The following UNC79 variants were observed in gnomAD, a reference collection of about 807,000 sequenced individuals.
UNC79 encodes protein unc-79 homolog.
Under a neutral mutation model 283.1 loss-of-function variants are expected in UNC79, and 37 were observed. That is an observed-to-expected ratio of 0.13 (90% confidence interval 0.10 to 0.17). The LOEUF is 0.17. Among genes scored for constraint, UNC79 ranks in the 10% least tolerant of loss-of-function variants. UNC79 has a pLI of 1.00. For missense variants in UNC79, 2,272 were observed against 3,211.1 expected, an observed-to-expected ratio of 0.71 and a Z score of 7.07; for synonymous variants, 1,107 against 1,200.2, an observed-to-expected ratio of 0.92 and a Z score of 1.61.
At chr14:93,574,715 G>A (rs1438893723) in intron 16 of UNC79, among the ~76,000 whole-genome samples, 4 of 152,096 alleles carry the variant, frequency 2.6e-5, no homozygotes, top group Admixed American at 2.6e-4. Flanking sequence ...ATCAGAGTGG[G>A]GATGGACTGG....
chr14:93,397,694 A>G (rs931747594), intron 1 of UNC79, among the ~76,000 whole-genome samples: 1 of 152,070 alleles, frequency 6.6e-6, no homozygotes, highest in African/African-American at 2.4e-5. Flanking sequence ...AAGGAAAAAC[A>G]GATCCTTGAT....
rs570308726 is a variant in UNC79, at chr14:93,417,495, G to A, written c.-350-50176G>A. Among the ~76,000 whole-genome samples the A allele has an allele frequency of 2.8e-3, 420 of 152,168 alleles. 2 individuals carry two copies. The highest frequency in any genetic ancestry group is 0.024 in the Middle Eastern group (7 of 294). On this transcript the variant is annotated intron_variant, in intron 1 of 49. Coordinates refer to the UNC79 transcript ENST00000256339. ...CAACTTTGGTAAATCTGACAATTAT[G>A]TGTCTTGGAGTTGCTCTTCTCGAGG...
chr14:93,481,729 T>A (rs991522623), intron 4 of UNC79, among the ~76,000 whole-genome samples: 4 of 152,162 alleles, frequency 2.6e-5, no homozygotes, highest in African/African-American at 9.7e-5. Context: ...TCTATAACCT[T>A]CCAAAGACTA....
At chr14:93,551,084 C>T (rs925519989) in intron 14 of UNC79, among the ~76,000 whole-genome samples, 1 of 152,120 alleles carries the variant, frequency 6.6e-6, no homozygotes, top group Non-Finnish European at 1.5e-5. Context: ...GAGTCTCGCT[C>T]TGTAGCCCAG....
intron 1 of UNC79, among the ~76,000 whole-genome samples, chr14:93,351,345 T>C (rs1345698119): frequency 6.6e-6 from 1 of 152,218 alleles, no homozygotes; most frequent in East Asian, 1.9e-4. Flanking sequence ...TTTGGTTAAA[T>C]GAACACATTT....
At chr14:93,569,242 C>T (rs1230605982) in intron 14 of UNC79, among the ~76,000 whole-genome samples, 1 of 152,130 alleles carries the variant, frequency 6.6e-6, no homozygotes. Flanking sequence ...TGGAGACCAT[C>T]CTGGCCAACA....
chr14:93,512,381 A>G (rs1224821096), intron 7 of UNC79, among the ~76,000 whole-genome samples: 2 of 143,728 alleles, frequency 1.4e-5, no homozygotes, highest in African/African-American at 5.1e-5. Flanking sequence ...TTTTGTACTT[A>G]TTTTGCTTGG....
At chr14:93,351,232 C>A (rs1248191496) in intron 1 of UNC79, among the ~76,000 whole-genome samples, 1 of 152,010 alleles carries the variant, frequency 6.6e-6, no homozygotes, top group Non-Finnish European at 1.5e-5. Context: ...ATATTATATT[C>A]GTAGGTTTTT....
chr14:93,431,147 T>G, intron 1 of UNC79, 96 bp downstream of exon 1: 1 of 116,866 alleles, frequency 8.6e-6, no homozygotes. Flanking sequence ...GGCATTGTGC[T>G]GGTGCGGGGG....
At position 93,418,637 on chromosome 14, in the gene UNC79, G is replaced by A. The variant is rs868393003; in HGVS notation, c.-350-49034G>A. On this transcript the variant is annotated intron_variant, in intron 1 of 49. Transcript: ENST00000256339. ...CCTGCCCCCAGAGGTGGAGCCTACA[G>A]AGGAAGGCAGGCCTCCTTGAGCTGT... 1.4e-3 allele frequency among the ~76,000 whole-genome samples: 214 copies of A among 151,984 alleles called. 3 individuals are homozygous for A. In the Middle Eastern group the frequency reaches 0.017, roughly 12 times the overall value.
rs553896323 is a variant in UNC79, at chr14:93,371,623, G to A, written c.-351+38100G>A. ...TGGGAGGCCGAGGCGGGTGGATCAC[G>A]AGGTCAGGAGATCGAGACCATCCTG... On this transcript the variant is annotated intron_variant, in intron 1 of 49. Transcript: ENST00000256339. Among the ~76,000 whole-genome samples, 260 of 151,790 alleles carry A rather than the reference G, an allele frequency of 1.7e-3. 2 individuals carry two copies. The highest frequency in any genetic ancestry group is 5.9e-3 in the African/African-American group (246 of 41,382).
chr14:93,346,339 C>T (rs565373598), intron 1 of UNC79, among the ~76,000 whole-genome samples: 1 of 152,256 alleles, frequency 6.6e-6, no homozygotes, highest in African/African-American at 2.4e-5. Context: ...TTAAAAATCA[C>T]AGTATATTTA....
chr14:93,672,374 A>G lies in UNC79; in HGVS notation c.6637-977A>G, dbSNP rs186611942. 5.3e-4 allele frequency among the ~76,000 whole-genome samples: 81 copies of G among 152,324 alleles called. 1 individual carries two copies. Among genetic ancestry groups the G allele is most frequent in the Middle Eastern group, 6.8e-3 (2 of 294 alleles). The stretch of plus-strand genomic sequence containing the variant: ...CCATAAAAAATAGCAACAGGGATGG[A>G]ATTGGAGTTTGTTATGTTAAGTGAA... On this transcript the variant is annotated intron_variant, in intron 40 of 48. Coordinates refer to ENST00000555664, the Ensembl canonical transcript of UNC79.
At chr14:93,457,052 A>G (rs1197393157) in intron 1 of UNC79, among the ~76,000 whole-genome samples, 2 of 152,146 alleles carry the variant, frequency 1.3e-5, no homozygotes, top group South Asian at 4.1e-4. Context: ...TAGGAAGAGG[A>G]GGTAGTGGAA....
intron 40 of UNC79, among the ~76,000 whole-genome samples, chr14:93,669,352 T>C (rs1399086495): frequency 6.6e-6 from 1 of 152,182 alleles, no homozygotes; most frequent in Non-Finnish European, 1.5e-5. Context: ...TCAGAGGTGT[T>C]AGCCCAGCAC....
At chr14:93,704,273 A>C (rs558690561) in intron 47 of UNC79, among the ~76,000 whole-genome samples, 1 of 152,366 alleles carries the variant, frequency 6.6e-6, no homozygotes, top group East Asian at 1.9e-4. Flanking sequence ...TCAGACACTC[A>C]GTTCTAAAGA....
At chr14:93,597,092 A>AAAGACCATGAAAAAATTGTT in intron 23 of UNC79, among the ~76,000 whole-genome samples, 1 of 152,234 alleles carries the variant, frequency 6.6e-6, no homozygotes, top group African/African-American at 2.4e-5. Context: ...AAAAAATTGT[A>AAAGACCATGAAAAAATTGTT]AAAGACAACC....
intron 1 of UNC79, among the ~76,000 whole-genome samples, chr14:93,347,729 C>T (rs2475037): frequency 1.3e-5 from 2 of 152,072 alleles, no homozygotes; most frequent in South Asian, 2.1e-4. Context: ...TTACCATCCT[C>T]GGACGTCCTC....
chr14:93,538,346 A>G, intron 12 of UNC79, 128 bp downstream of exon 12: 2 of 940,606 alleles, frequency 2.1e-6, no homozygotes, highest in Non-Finnish European at 3.0e-6. Context: ...ACCTTCCCAC[A>G]GTGTTGTAAT....
Sources: gnomAD v4.1 joint callset for allele counts (sites outside exome capture counted in the v4.1 genomes callset) on GRCh38, gnomAD v4.1.1 for gene constraint, MANE v1.5 for transcripts, NCBI Gene and HGNC (gene_info 2026-07-23, HGNC 2026-07-21) for gene names.